The following KSR1 variants were observed in gnomAD, a reference collection of about 807,000 sequenced individuals.
KSR1 encodes kinase suppressor of ras.
KSR1 carries 35 observed loss-of-function variants against 92.9 expected under a neutral mutation model. The observed-to-expected ratio is 0.38, with a 90% CI of 0.29 to 0.50. The LOEUF (loss-of-function observed/expected upper bound fraction) is 0.50. Ranked by LOEUF, KSR1 falls within the 20% of genes least tolerant of loss-of-function variation. KSR1 has a pLI of 0.94. For synonymous variants in KSR1, 467 were observed against 472.6 expected (o/e 0.99, Z 0.15); for missense variants, 972 against 1,158.5 (o/e 0.84, Z 2.34).
intron 1 of KSR1, among the ~76,000 whole-genome samples, chr17:27,510,052 C>G (rs892913097): frequency 2.0e-5 from 3 of 152,228 alleles, no homozygotes; most frequent in African/African-American, 4.8e-5. Flanking sequence ...CCTTGTCCCT[C>G]CTCTTGGCAC....
chr17:27,538,774 G>A (rs996631903), intron 1 of KSR1, among the ~76,000 whole-genome samples: 6 of 152,164 alleles, frequency 3.9e-5, no homozygotes, highest in African/African-American at 1.2e-4. Context: ...CGGTTCGGGC[G>A]CCCCTCATCC....
At chr17:27,553,493 G>A (rs994763371) in intron 2 of KSR1, among the ~76,000 whole-genome samples, 1 of 152,206 alleles carries the variant, frequency 6.6e-6, no homozygotes, top group African/African-American at 2.4e-5. Context: ...CCCCCCAGTT[G>A]GTACCAAGGG....
At chr17:27,573,750 A>G (rs2072398678) in intron 2 of KSR1, among the ~76,000 whole-genome samples, 1 of 152,224 alleles carries the variant, frequency 6.6e-6, no homozygotes, top group South Asian at 2.1e-4. Flanking sequence ...GTGGGTTTCA[A>G]TTCTGCTCAG....
intron 1 of KSR1, among the ~76,000 whole-genome samples, chr17:27,519,726 A>G (rs1306804285): frequency 3.9e-5 from 6 of 152,220 alleles, no homozygotes; most frequent in Non-Finnish European, 5.9e-5. Flanking sequence ...AAGGAGCTCT[A>G]CTGAGCTGTA....
At chr17:27,535,635 A>G (rs1467119900) in intron 1 of KSR1, among the ~76,000 whole-genome samples, 1 of 152,054 alleles carries the variant, frequency 6.6e-6, no homozygotes, top group Non-Finnish European at 1.5e-5. Flanking sequence ...TTCCCCAGTC[A>G]CCCGTCCTGG....
rs780278944 is a variant in KSR1, at chr17:27,623,336, C to A, written c.2731C>A (p.Pro911Thr). 9.1e-6 allele frequency: 7 copies of A among 765,148 alleles called. No homozygotes were observed. Among genetic ancestry groups the A allele is most frequent in the South Asian group, 8.0e-5 (6 of 74,552 alleles). The allele number at this position is 765,148 out of a possible 1,614,324, so 47.4% of individuals were successfully genotyped here. A position where few individuals can be genotyped will look rare whatever the true frequency, so the allele number is the denominator to read the frequency against. ...CAGCATTAACAGCAGCAAAGTTGTACCCCGGTTTGAAAGGTTTGGCTTGGG... is the reference window on the plus strand; with the variant it reads ...CAGCATTAACAGCAGCAAAGTTGTAACCCGGTTTGAAAGGTTTGGCTTGGG... ...EEYINSSKVV[P>T]RFERFGLGVL... Residue 911 changes from proline (P) to threonine (T), a missense_variant, in exon 21 of 21, where the codon CCC becomes ACC. By Grantham distance (38) the Pro-to-Thr change is conservative. This residue lies in a region of KSR1 where 46 missense variants were observed against 39.0 expected (regional missense o/e 1.18). Coordinates refer to ENST00000644974, the MANE Select transcript of KSR1 (RefSeq NM_001394583.1).
At chr17:27,482,996 A>G (rs560951659) in intron 1 of KSR1, among the ~76,000 whole-genome samples, 7 of 152,266 alleles carry the variant, frequency 4.6e-5, no homozygotes, top group Admixed American at 4.6e-4. Context: ...TGTGACAGAC[A>G]TTTCTCCCAT....
At chr17:27,528,191 T>C (rs959062320) in intron 1 of KSR1, among the ~76,000 whole-genome samples, 3 of 152,108 alleles carry the variant, frequency 2.0e-5, no homozygotes, top group African/African-American at 7.2e-5. Flanking sequence ...CTTAGCCTCC[T>C]GAGTAGCTGG....
At chr17:27,518,963 C>T (rs769203676) in intron 1 of KSR1, among the ~76,000 whole-genome samples, 2 of 152,134 alleles carry the variant, frequency 1.3e-5, no homozygotes, top group Non-Finnish European at 2.9e-5. Context: ...AGGAAGTGAC[C>T]GCTCAGGTGT....
chr17:27,456,678 G>C lies in KSR1; in HGVS notation c.35G>C (p.Gly12Ala), dbSNP rs774941359. ...DRAALRAAAM[G>A]EKKEGGGGGD... ...GCAGCGCTGCGCGCGGCGGCGATGGGAGAGAAGAAGGAGGGCGGTGGCGGG... is the reference window on the plus strand; with the variant it reads ...GCAGCGCTGCGCGCGGCGGCGATGGCAGAGAAGAAGGAGGGCGGTGGCGGG... Residue 12 changes from glycine to alanine, a missense_variant, in exon 1 of 21, where the codon GGA becomes GCA. Transcript: ENST00000644974. The C allele has an allele frequency of 1.4e-6, 1 of 693,658 alleles. No homozygotes were observed. The highest frequency in any genetic ancestry group is 1.6e-5 in the South Asian group (1 of 61,188). The allele number at this position is 693,658 out of a possible 1,614,324, so 43.0% of individuals were successfully genotyped here.
At chr17:27,500,440 T>G (rs551254967) in intron 1 of KSR1, among the ~76,000 whole-genome samples, 2 of 152,052 alleles carry the variant, frequency 1.3e-5, no homozygotes, top group Non-Finnish European at 2.9e-5. Context: ...TCCAGAAGGC[T>G]CTATGGAGGT....
At chr17:27,586,007 C>A in intron 5 of KSR1, 2 of 358,768 alleles carry the variant, frequency 5.6e-6, no homozygotes, top group Non-Finnish European at 1.0e-5. Flanking sequence ...GGTAAAGCAG[C>A]ACCCCTGGGA....
chr17:27,540,721 G>A (rs1457706362), intron 1 of KSR1, among the ~76,000 whole-genome samples: 12 of 152,364 alleles, frequency 7.9e-5, no homozygotes, highest in African/African-American at 2.6e-4. Context: ...GTCAGCCCCC[G>A]TGGGCGCCCT....
At chr17:27,588,115 G>T (rs1164033421) in intron 5 of KSR1, 1 of 162,894 alleles carries the variant, frequency 6.1e-6, no homozygotes, top group Non-Finnish European at 1.3e-5. Context: ...GGCCTGTGGT[G>T]TGTCGGTGAG....
chr17:27,616,659 C>G (rs2074063700), intron 18 of KSR1, among the ~76,000 whole-genome samples: 1 of 152,166 alleles, frequency 6.6e-6, no homozygotes, highest in South Asian at 2.1e-4. Flanking sequence ...TGTATGTGTC[C>G]TGCCTGGTCG....
intron 1 of KSR1, chr17:27,527,123 C>T: frequency 2.9e-6 from 1 of 342,194 alleles, no homozygotes; most frequent in Non-Finnish European, 5.8e-6. Context: ...ACTTTTCTTA[C>T]ATTCCAGCAC....
intron 14 of KSR1, among the ~76,000 whole-genome samples, chr17:27,607,385 C>G (rs1373932831): frequency 6.6e-6 from 1 of 152,138 alleles, no homozygotes; most frequent in Non-Finnish European, 1.5e-5. Flanking sequence ...GACCCCAGAA[C>G]TGAAGCTCCT....
intron 1 of KSR1, among the ~76,000 whole-genome samples, chr17:27,532,743 T>C (rs961622000): frequency 2.0e-5 from 3 of 152,288 alleles, no homozygotes; most frequent in Admixed American, 1.3e-4. Context: ...TTCTGGAAGG[T>C]TCTGGCCTCC....
intron 4 of KSR1, 129 bp downstream of exon 4, chr17:27,583,234 TC>T (rs2072843378): frequency 6.1e-6 from 4 of 651,194 alleles, no homozygotes; most frequent in Non-Finnish European, 1.0e-5. Flanking sequence ...GGTGCCCCCA[TC>T]TTTCAGTCCA....
Sources: allele counts gnomAD v4.1 joint callset (sites outside exome capture counted in the v4.1 genomes callset), GRCh38; gene constraint gnomAD v4.1.1; regional missense constraint gnomAD v4.1.1; transcripts MANE v1.5; gene names NCBI Gene and HGNC (gene_info 2026-07-23, HGNC 2026-07-21).